Variants in LANCL2 observed in about 807,000 individuals in gnomAD.
LANCL2 encodes the protein lanC-like protein 2.
Under a neutral mutation model 56.9 loss-of-function variants are expected in LANCL2, and 33 were observed. The ratio of observed to expected loss-of-function variants is 0.58; its 90% CI spans 0.44 to 0.78. The LOEUF is 0.78. Ranked by LOEUF, LANCL2 falls within the 30% of genes least tolerant of loss-of-function variation. The probability of loss-of-function intolerance (pLI) is 0.00; values close to 1 mark genes in which losing one functional copy is unlikely to be tolerated. For synonymous variants in LANCL2, 233 were observed against 228.2 expected (o/e 1.02, Z -0.19); for missense variants, 562 against 580.2 (o/e 0.97, Z 0.32).
intron 1 of LANCL2, among the ~76,000 whole-genome samples, chr7:55,377,932 A>G (rs1442791865): frequency 6.6e-6 from 1 of 152,216 alleles, no homozygotes; most frequent in Non-Finnish European, 1.5e-5. Flanking sequence ...TAAAATGTAA[A>G]TATAGAATCA....
chr7:55,388,893 C>T (rs1039043441), intron 1 of LANCL2, among the ~76,000 whole-genome samples: 14 of 152,116 alleles, frequency 9.2e-5, no homozygotes, highest in Admixed American at 9.2e-4. Flanking sequence ...CCGTTTATCT[C>T]ATTGAGGGCC....
At chr7:55,409,396 A>G (rs921316877) in intron 5 of LANCL2, among the ~76,000 whole-genome samples, 1 of 152,108 alleles carries the variant, frequency 6.6e-6, no homozygotes, top group Admixed American at 6.5e-5. Context: ...GCCAACTTCC[A>G]AGTTTTGAGT....
chr7:55,393,405 G>A (rs1790214166), intron 2 of LANCL2, among the ~76,000 whole-genome samples: 1 of 152,140 alleles, frequency 6.6e-6, no homozygotes, highest in African/African-American at 2.4e-5. Flanking sequence ...AGTGGCATGG[G>A]CCTATAGTCC....
At chr7:55,375,722 A>G (rs1468970448) in intron 1 of LANCL2, among the ~76,000 whole-genome samples, 1 of 152,206 alleles carries the variant, frequency 6.6e-6, no homozygotes, top group East Asian at 1.9e-4. Flanking sequence ...CATAAGGCCA[A>G]AGTCAAAGCA....
At chr7:55,415,249 C>T (rs1227907392) in intron 6 of LANCL2, among the ~76,000 whole-genome samples, 1 of 152,084 alleles carries the variant, frequency 6.6e-6, no homozygotes, top group African/African-American at 2.4e-5. Flanking sequence ...CCAAAAAAAG[C>T]ATATAATACC....
intron 7 of LANCL2, among the ~76,000 whole-genome samples, chr7:55,426,064 C>A (rs1422590187): frequency 6.6e-6 from 1 of 152,238 alleles, no homozygotes; most frequent in African/African-American, 2.4e-5. Context: ...CAGGAGCACT[C>A]TTCCTTCAGC....
chr7:55,401,060 T>G, intron 4 of LANCL2, 114 bp from the exon 5 acceptor site: 4 of 699,078 alleles, frequency 5.7e-6, no homozygotes, highest in Non-Finnish European at 8.9e-6. Flanking sequence ...ACTTTTAGAT[T>G]AAGGCTTCTG....
intron 1 of LANCL2, among the ~76,000 whole-genome samples, chr7:55,382,447 A>G (rs751544042): frequency 6.6e-6 from 1 of 152,214 alleles, no homozygotes; most frequent in Non-Finnish European, 1.5e-5. Flanking sequence ...GAGCTGCCTT[A>G]TCAAGACGGG....
intron 6 of LANCL2, among the ~76,000 whole-genome samples, chr7:55,412,531 C>G (rs1790482944): frequency 6.6e-6 from 1 of 152,166 alleles, no homozygotes. Flanking sequence ...ATGTTATTCT[C>G]AAGACATAGT....
At chr7:55,381,250 A>G (rs1016198226) in intron 1 of LANCL2, among the ~76,000 whole-genome samples, 3 of 152,098 alleles carry the variant, frequency 2.0e-5, no homozygotes, top group African/African-American at 7.2e-5. Flanking sequence ...TTTATCCTGG[A>G]GCTAAGTTTC....
At chr7:55,414,571 C>T (rs1047393819) in intron 6 of LANCL2, among the ~76,000 whole-genome samples, 2 of 152,194 alleles carry the variant, frequency 1.3e-5, no homozygotes, top group Admixed American at 1.3e-4. Flanking sequence ...AATTTATTTT[C>T]CCTCCCTGTA....
At position 55,387,540 on chromosome 7, in the gene LANCL2, G is replaced by GT. The variant is rs536930446; in HGVS notation, c.205-4239dup. 3.1e-3 allele frequency among the ~76,000 whole-genome samples: 431 copies of GT among 138,512 alleles called. 1 individual carries two copies. The highest frequency in any genetic ancestry group is 7.3e-3 in the South Asian group (31 of 4,254). 90.9% of individuals were successfully genotyped at this position (138,512 alleles called of 152,430 possible). ...GATATATGCTTCTGAGTTTTTTTTG[G>GT]TTTTTTTTTTTTTTAGAAACTTTTA... On this transcript the variant is annotated intron_variant, in intron 1 of 8. Coordinates refer to ENST00000254770, the MANE Select transcript of LANCL2 (RefSeq NM_018697.4).
chr7:55,390,508 A>T, intron 1 of LANCL2, among the ~76,000 whole-genome samples: 1 of 152,210 alleles, frequency 6.6e-6, no homozygotes, highest in Middle Eastern at 3.2e-3. Context: ...CAGGAGGCTG[A>T]GGCAGGAGAA....
At chr7:55,407,651 A>G (rs1299970248) in intron 5 of LANCL2, among the ~76,000 whole-genome samples, 1 of 152,256 alleles carries the variant, frequency 6.6e-6, no homozygotes, top group Admixed American at 6.5e-5. Flanking sequence ...AGGTCTGACT[A>G]GAACAAAATG....
chr7:55,423,642 C>A (rs555790080), intron 6 of LANCL2, among the ~76,000 whole-genome samples: 1 of 152,238 alleles, frequency 6.6e-6, no homozygotes, highest in African/African-American at 2.4e-5. Flanking sequence ...TTCCCATGTG[C>A]CAGGCACTGT....
intron 1 of LANCL2, among the ~76,000 whole-genome samples, chr7:55,385,686 C>A (rs995015109): frequency 3.9e-5 from 6 of 152,084 alleles, no homozygotes; most frequent in African/African-American, 1.4e-4. Context: ...AGGATGGAGG[C>A]GAAATTAAAA....
intron 2 of LANCL2, among the ~76,000 whole-genome samples, chr7:55,392,265 C>T (rs1038036736): frequency 6.6e-6 from 1 of 151,862 alleles, no homozygotes; most frequent in Non-Finnish European, 1.5e-5. Context: ...TGCACTCCAG[C>T]CTGAGCCACA....
intron 1 of LANCL2, among the ~76,000 whole-genome samples, chr7:55,371,005 TA>T (rs1471343772): frequency 1.3e-4 from 20 of 152,248 alleles, no homozygotes; most frequent in Non-Finnish European, 5.9e-5. Flanking sequence ...CAATGTCACA[TA>T]ATTACCCATT....
chr7:55,403,840 G>A (rs1790373786), intron 5 of LANCL2, among the ~76,000 whole-genome samples: 1 of 152,108 alleles, frequency 6.6e-6, no homozygotes, highest in South Asian at 2.1e-4. Flanking sequence ...AAAATGCTAG[G>A]ATTATAGGCA....
Sources: allele counts gnomAD v4.1 joint callset (sites outside exome capture counted in the v4.1 genomes callset), GRCh38; gene constraint gnomAD v4.1.1; transcripts MANE v1.5; gene names NCBI Gene and HGNC (gene_info 2026-07-23, HGNC 2026-07-21).